Variants in CHMP3 observed in about 807,000 individuals in gnomAD.
CHMP3 encodes charged multivesicular body protein 3, also known as 25.1 protein.
A neutral mutation model predicts 27.4 loss-of-function variants in CHMP3; 8 were observed. The ratio of observed to expected loss-of-function variants is 0.29; its 90% CI spans 0.17 to 0.53. The LOEUF is 0.53. CHMP3 is among the 20% of genes least tolerant of loss of function. CHMP3 has a pLI of 0.96. For synonymous variants in CHMP3, 86 were observed against 85.5 expected (o/e 1.01, Z -0.03); for missense variants, 208 against 271.5 (o/e 0.77, Z 1.64).
intron 3 of CHMP3, among the ~76,000 whole-genome samples, chr2:86,528,594 T>G (rs1028292893): frequency 6.6e-6 from 1 of 152,174 alleles, no homozygotes; most frequent in African/African-American, 2.4e-5. Flanking sequence ...TAGGACTACT[T>G]CATAATTTAA....
At chr2:86,507,032 TA>T (rs1223630358) in intron 5 of CHMP3, 1 of 151,230 alleles carries the variant, frequency 6.6e-6, no homozygotes, top group Non-Finnish European at 1.5e-5. Context: ...TTTTTTTTTT[TA>T]ATATATATTT....
intron 3 of CHMP3, among the ~76,000 whole-genome samples, chr2:86,525,602 A>G (rs1304541573): frequency 1.3e-5 from 2 of 152,030 alleles, no homozygotes; most frequent in East Asian, 3.9e-4. Flanking sequence ...ACATTTACAC[A>G]GTAAGTTGGG....
chr2:86,554,814 CGCGTGT>C (rs943211117), intron 1 of CHMP3, among the ~76,000 whole-genome samples: 13 of 138,094 alleles, frequency 9.4e-5, no homozygotes, highest in South Asian at 2.2e-4. Flanking sequence ...TGTGTGTGCG[CGCGTGT>C]GTGTGTGTGT....
At chr2:86,519,854 T>C (rs962616454) in intron 3 of CHMP3, among the ~76,000 whole-genome samples, 4 of 152,222 alleles carry the variant, frequency 2.6e-5, no homozygotes, top group Admixed American at 2.0e-4. Context: ...GAACAATACA[T>C]GACACAGATA....
intron 3 of CHMP3, among the ~76,000 whole-genome samples, chr2:86,524,189 A>G (rs765436659): frequency 1.3e-5 from 2 of 152,202 alleles, no homozygotes; most frequent in Non-Finnish European, 2.9e-5. Context: ...GCTTTCAGAA[A>G]GAAACAGAAA....
chr2:86,538,345 G>A (rs150482064), intron 2 of CHMP3, among the ~76,000 whole-genome samples: 62 of 152,302 alleles, frequency 4.1e-4, no homozygotes, highest in African/African-American at 1.4e-3. Flanking sequence ...GAGATGGATA[G>A]TGGTGATGGT....
At chr2:86,512,761 G>A (rs1318506890) in intron 3 of CHMP3, among the ~76,000 whole-genome samples, 1 of 152,198 alleles carries the variant, frequency 6.6e-6, no homozygotes, top group Non-Finnish European at 1.5e-5. Flanking sequence ...TAAATGGCAA[G>A]TAAGCATATG....
At chr2:86,553,048 T>TG (rs1676973192) in intron 1 of CHMP3, among the ~76,000 whole-genome samples, 1 of 70,464 alleles carries the variant, frequency 1.4e-5, no homozygotes. Context: ...TGGGGGATGG[T>TG]GGGGGAGGAA....
chr2:86,534,974 G>C (rs1284093142), intron 2 of CHMP3, among the ~76,000 whole-genome samples: 1 of 152,000 alleles, frequency 6.6e-6, no homozygotes, highest in Non-Finnish European at 1.5e-5. Context: ...TAATTACTGT[G>C]GGCTGGGCAC....
chr2:86,560,961 G>A (rs1004317262), intron 1 of CHMP3, among the ~76,000 whole-genome samples: 3 of 152,082 alleles, frequency 2.0e-5, no homozygotes, highest in African/African-American at 7.2e-5. Flanking sequence ...ACCACTCATG[G>A]GAAATCTGCT....
At chr2:86,524,184 C>A (rs1675615675) in intron 3 of CHMP3, among the ~76,000 whole-genome samples, 1 of 152,146 alleles carries the variant, frequency 6.6e-6, no homozygotes, top group African/African-American at 2.4e-5. Flanking sequence ...TGTTTGCTTT[C>A]AGAAAGAAAC....
intron 3 of CHMP3, among the ~76,000 whole-genome samples, chr2:86,512,974 C>A (rs1165206375): frequency 1.3e-5 from 2 of 152,194 alleles, no homozygotes; most frequent in Non-Finnish European, 2.9e-5. Context: ...CAGACACACA[C>A]CTACCATATG....
intron 1 of CHMP3, among the ~76,000 whole-genome samples, chr2:86,550,238 T>C (rs1676848000): frequency 6.6e-6 from 1 of 152,080 alleles, no homozygotes; most frequent in Non-Finnish European, 1.5e-5. Context: ...CAGTCAGGCG[T>C]GGCGGCGCAC....
intron 1 of CHMP3, among the ~76,000 whole-genome samples, chr2:86,561,342 A>G (rs1184915681): frequency 6.6e-6 from 1 of 152,236 alleles, no homozygotes; most frequent in African/African-American, 2.4e-5. Flanking sequence ...AGAGTGCTTA[A>G]CACAATGCCT....
chr2:86,558,704 G>A (rs1677225309), intron 1 of CHMP3, among the ~76,000 whole-genome samples: 1 of 152,096 alleles, frequency 6.6e-6, no homozygotes, highest in African/African-American at 2.4e-5. Context: ...CCCAACAGAA[G>A]GAGCTGTCTT....
At chr2:86,510,612 A>C (rs1675068977) in intron 3 of CHMP3, 133 bp from the exon 4 acceptor site, 11 of 1,254,656 alleles carry the variant, frequency 8.8e-6, no homozygotes, top group Non-Finnish European at 1.2e-5. Flanking sequence ...CCTTTAAATT[A>C]ATTACTGTGC....
chr2:86,563,217 G>GT (rs1340019521), intron 1 of CHMP3, 87 bp downstream of exon 1: 1 of 1,497,150 alleles, frequency 6.7e-7, no homozygotes, highest in African/African-American at 1.4e-5. Flanking sequence ...CGGGCAGGCG[G>GT]TGGGGAGAAG....
intron 1 of CHMP3, 99 bp downstream of exon 1, chr2:86,563,205 A>C (rs751157992): frequency 6.6e-5 from 94 of 1,427,324 alleles, no homozygotes; most frequent in Middle Eastern, 3.7e-4. Context: ...GCCGGGCGGT[A>C]TCGGGCAGGC....
chr2:86,534,777 T>A (rs1273711809), intron 2 of CHMP3, among the ~76,000 whole-genome samples: 1 of 152,222 alleles, frequency 6.6e-6, no homozygotes, highest in Non-Finnish European at 1.5e-5. Context: ...TAGCTGTCCC[T>A]GCTGTCTTTT....
Sources: allele counts gnomAD v4.1 joint callset (sites outside exome capture counted in the v4.1 genomes callset), GRCh38; gene constraint gnomAD v4.1.1; transcripts MANE v1.5; gene names NCBI Gene and HGNC (gene_info 2026-07-23, HGNC 2026-07-21).